DCDC2: variants seen among roughly 807,000 people sequenced by gnomAD.
The protein encoded by DCDC2 is doublecortin domain containing 2.
DCDC2 carries 40 observed loss-of-function variants against 50.2 expected under a neutral mutation model. That is an observed-to-expected ratio of 0.80 (90% CI 0.62 to 1.04). The LOEUF (loss-of-function observed/expected upper bound fraction) is 1.04, where lower values mean the gene tolerates loss of function less well. Among genes scored for constraint, DCDC2 ranks in the 50% least tolerant of loss-of-function variants. DCDC2 has a pLI of 0.00. For synonymous variants in DCDC2, 234 were observed against 210.6 expected, an observed-to-expected ratio of 1.11 and a Z score of -0.96; for missense variants, 570 against 581.9, an observed-to-expected ratio of 0.98 and a Z score of 0.21.
rs1254083033 is a variant in DCDC2 at position 24,172,626 on chromosome 6, T to TA, written c.*2103dup. ...ATAATTAGTTATAATTTCTTACATT[T>TA]AATCAGTTATTTTTAGAAACTATTT... On this transcript the variant is annotated 3_prime_UTR_variant, in exon 10 of 10. Transcript: ENST00000378454. The TA allele has an allele frequency of 6.7e-6, 1 of 150,310 alleles. No individual in the cohort carries two copies. The highest frequency in any genetic ancestry group is 1.5e-5 in the Non-Finnish European group (1 of 68,038). The allele number at this position is 150,310 out of a possible 1,614,324, so 9.3% of individuals were successfully genotyped here.
At chr6:24,187,754 T>C (rs575764761) in intron 8 of DCDC2, among the ~76,000 whole-genome samples, 10 of 152,320 alleles carry the variant, frequency 6.6e-5, no homozygotes, top group African/African-American at 2.4e-4. Flanking sequence ...GCCTCATATG[T>C]GCCTTCAGGA....
chr6:24,358,878 A>ATT (rs1760549600), upstream of DCDC2, among the ~76,000 whole-genome samples: 1 of 16,400 alleles, frequency 6.1e-5, no homozygotes, highest in Non-Finnish European at 8.7e-5. Flanking sequence ...ATATATATGT[A>ATT]TTATATATAT....
intron 7 of DCDC2, among the ~76,000 whole-genome samples, chr6:24,214,986 T>C (rs1761945135): frequency 6.6e-6 from 1 of 152,134 alleles, no homozygotes; most frequent in South Asian, 2.1e-4. Context: ...CACAGAAAGA[T>C]GAACAAGGCA....
chr6:24,245,635 T>C (rs1386533759), intron 7 of DCDC2, among the ~76,000 whole-genome samples: 1 of 152,222 alleles, frequency 6.6e-6, no homozygotes, highest in Non-Finnish European at 1.5e-5. Context: ...AAGACTGTCT[T>C]AGCAAAACAA....
chr6:24,186,485 G>A (rs879684559), intron 8 of DCDC2, among the ~76,000 whole-genome samples: 4 of 152,124 alleles, frequency 2.6e-5, no homozygotes, highest in South Asian at 2.1e-4. Flanking sequence ...GTGCACATGC[G>A]TGCATGTGCG....
At chr6:24,348,767 T>C (rs1327756970) in intron 2 of DCDC2, among the ~76,000 whole-genome samples, 6 of 152,154 alleles carry the variant, frequency 3.9e-5, no homozygotes, top group Admixed American at 6.6e-5. Flanking sequence ...ACTTCCTCAG[T>C]CCTCTGAGCA....
intron 2 of DCDC2, among the ~76,000 whole-genome samples, chr6:24,334,309 T>C (rs183161420): frequency 6.6e-6 from 1 of 152,290 alleles, no homozygotes; most frequent in East Asian, 1.9e-4. Flanking sequence ...AGCTCTGAGT[T>C]TTTGCTTAGC....
chr6:24,240,199 C>T (rs559399395), intron 7 of DCDC2, among the ~76,000 whole-genome samples: 1 of 152,090 alleles, frequency 6.6e-6, no homozygotes, highest in African/African-American at 2.4e-5. Flanking sequence ...ACAATAGGTA[C>T]CAGCTGAAAA....
chr6:24,239,193 T>G (rs1007010879), intron 7 of DCDC2, among the ~76,000 whole-genome samples: 1 of 152,172 alleles, frequency 6.6e-6, no homozygotes, highest in Non-Finnish European at 1.5e-5. Context: ...TCAGAGTATG[T>G]GTAATAAGTA....
At chr6:24,308,992 C>A (rs1451344350) in intron 2 of DCDC2, among the ~76,000 whole-genome samples, 1 of 152,094 alleles carries the variant, frequency 6.6e-6, no homozygotes, top group African/African-American at 2.4e-5. Flanking sequence ...AAACCTGGAT[C>A]TGCACAGAAG....
At chr6:24,248,350 T>C (rs990367752) in intron 7 of DCDC2, among the ~76,000 whole-genome samples, 4 of 152,220 alleles carry the variant, frequency 2.6e-5, no homozygotes, top group African/African-American at 4.8e-5. Context: ...ACAAGTTACA[T>C]GGTCTGAACC....
intron 2 of DCDC2, among the ~76,000 whole-genome samples, chr6:24,305,606 G>A (rs1176053492): frequency 6.6e-6 from 1 of 152,214 alleles, no homozygotes; most frequent in East Asian, 1.9e-4. Flanking sequence ...CGGGGATAAA[G>A]GGTTGGTCAG....
chr6:24,303,701 G>A (rs114427649), intron 2 of DCDC2, among the ~76,000 whole-genome samples: 4,780 of 152,198 alleles, frequency 0.031, 105 homozygotes, highest in Non-Finnish European at 0.045. Context: ...GGCAAGCACC[G>A]TACTAAGTAA....
At chr6:24,220,870 A>AGAGCG in intron 7 of DCDC2, among the ~76,000 whole-genome samples, 2 of 127,196 alleles carry the variant, frequency 1.6e-5, no homozygotes, top group East Asian at 2.6e-4. Flanking sequence ...GACAGAGAGC[A>AGAGCG]AGAGAGCGAG....
At chr6:24,301,650 G>T in intron 4 of DCDC2, 65 bp downstream of exon 4, 9 of 1,584,250 alleles carry the variant, frequency 5.7e-6, no homozygotes, top group Non-Finnish European at 7.7e-6. Context: ...AGTGACTCCG[G>T]AGCCTCCTGA....
intron 2 of DCDC2, 122 bp downstream of exon 2, chr6:24,353,447 G>C: frequency 1.5e-6 from 1 of 671,798 alleles, no homozygotes; most frequent in Non-Finnish European, 2.7e-6. Context: ...AACATATAAT[G>C]TTCCATTTCT....
chr6:24,194,439 A>G (rs756941555), intron 8 of DCDC2, among the ~76,000 whole-genome samples: 9 of 152,202 alleles, frequency 5.9e-5, no homozygotes, highest in Non-Finnish European at 1.2e-4. Context: ...CAAATAGGAA[A>G]AGCAATAAAA....
chr6:24,258,255 T>TTGC (rs1318209711), intron 7 of DCDC2, among the ~76,000 whole-genome samples: 2 of 152,108 alleles, frequency 1.3e-5, no homozygotes, highest in Non-Finnish European at 2.9e-5. Context: ...CCCAAGTGGG[T>TTGC]TGCTGCTGCT....
At chr6:24,249,499 T>G (rs749392963) in intron 7 of DCDC2, among the ~76,000 whole-genome samples, 1 of 152,238 alleles carries the variant, frequency 6.6e-6, no homozygotes, top group Non-Finnish European at 1.5e-5. Context: ...AATGTAGCTT[T>G]TGATAATTTC....
Sources: gnomAD v4.1 joint callset for allele counts (sites outside exome capture counted in the v4.1 genomes callset) on GRCh38, gnomAD v4.1.1 for gene constraint, MANE v1.5 for transcripts, NCBI Gene and HGNC (gene_info 2026-07-23, HGNC 2026-07-21) for gene names.